Variants in TBC1D16 observed in about 807,000 individuals in gnomAD.
The protein encoded by TBC1D16 is TBC1 domain family member 16, also known as CTD-2529O21.1.
A neutral mutation model predicts 74.7 loss-of-function variants in TBC1D16; 58 were observed. The ratio of observed to expected loss-of-function variants is 0.78; its 90% CI spans 0.63 to 0.97. The LOEUF (loss-of-function observed/expected upper bound fraction) is 0.97, where lower values mean the gene tolerates loss of function less well. Ranked by LOEUF, TBC1D16 falls within the 50% of genes least tolerant of loss-of-function variation. The pLI is 0.00. For synonymous variants in TBC1D16, 493 were observed against 474.7 expected, an observed-to-expected ratio of 1.04 and a Z score of -0.50; for missense variants, 1,014 against 1,079.5, an observed-to-expected ratio of 0.94 and a Z score of 0.85.
rs1007171040 is a variant in TBC1D16 at position 80,000,241 on chromosome 17, A to G, written c.779+9919T>C. On this transcript the variant is annotated intron_variant, in intron 3 of 11. Transcript: ENST00000310924. The surrounding 1 kb of genome is among the most constrained non-coding windows in gnomAD (Gnocchi z 4.1). ...GCTCCCCCAAGATTCATGTCCACAC[A>G]GAAGCTCCCAATGTGACCTTATTCA... is the stretch of plus-strand genomic sequence containing the variant. Among the ~76,000 whole-genome samples, 3 of 152,192 alleles carry G rather than the reference A, an allele frequency of 2.0e-5. No homozygotes were observed. Among genetic ancestry groups the G allele is most frequent in the Non-Finnish European group, 4.4e-5 (3 of 68,028 alleles).
chr17:80,020,616 T>C (rs2036252221), intron 1 of TBC1D16, among the ~76,000 whole-genome samples: 1 of 149,576 alleles, frequency 6.7e-6, no homozygotes, highest in African/African-American at 2.6e-5. Flanking sequence ...ATAAAAATTA[T>C]AAATGCCAAC....
In TBC1D16 at chr17:80,009,257, T is replaced by C. The variant is rs986613674; in HGVS notation, c.779+903A>G. Among the ~76,000 whole-genome samples, 10 of 152,324 alleles carry C rather than the reference T, an allele frequency of 6.6e-5. No individual in the cohort carries two copies. The highest frequency in any genetic ancestry group is 6.5e-4 in the Admixed American group (10 of 15,310). On this transcript the variant is annotated intron_variant, in intron 3 of 11. Transcript: ENST00000310924. The surrounding 1 kb of genome is among the most constrained non-coding windows in gnomAD (Gnocchi z 5.4). Reference sequence around the variant, plus strand: ...TTACTGTTGTCTGTGGTCACCACCATTATTTGCCCAGAAATCTAATGAGCG... The same window carrying C: ...TTACTGTTGTCTGTGGTCACCACCACTATTTGCCCAGAAATCTAATGAGCG...
rs374042647 is a variant in TBC1D16 at position 79,952,707 on chromosome 17, G to A, written c.891C>T (p.Gly297=). The A allele has an allele frequency of 3.9e-5, 63 of 1,610,970 alleles. No individual in the cohort carries two copies. The highest frequency in any genetic ancestry group is 1.6e-4 in the Middle Eastern group (1 of 6,078). The change falls in exon 4 of 12, where the codon GGC becomes GGT. Residue 297 remains glycine, a synonymous_variant. Transcript: ENST00000310924. ...TGTGGCCCAGGTCCACGCGGAACAC[G>A]CCGCAAATCTGCTCCAGGGCGCACA... is the stretch of plus-strand genomic sequence containing the variant. ...QRVCALEQIC[G]VFRVDLGHMR... is the part of the protein sequence containing the mutation.
At chr17:80,024,323 A>G in intron 1 of TBC1D16, among the ~76,000 whole-genome samples, 1 of 148,912 alleles carries the variant, frequency 6.7e-6, no homozygotes, top group African/African-American at 2.6e-5. Context: ...CACACCATAG[A>G]CACACATACC....
In TBC1D16 at chr17:79,932,590, A is replaced by G. The variant is rs1163511923; in HGVS notation, c.*8269T>C. 4 of 152,248 alleles carry G rather than the reference A, an allele frequency of 2.6e-5. No homozygotes were observed. The highest frequency in any genetic ancestry group is 6.5e-5 in the Admixed American group (1 of 15,280). 9.4% of individuals were successfully genotyped at this position (152,248 alleles called of 1,614,324 possible). A position where few individuals can be genotyped will look rare whatever the true frequency, so the allele number is the denominator to read the frequency against. On this transcript the variant is annotated 3_prime_UTR_variant, in exon 12 of 12. Coordinates refer to ENST00000310924, the MANE Select transcript of TBC1D16 (RefSeq NM_019020.4). ...TTTAAAACTGCTAGACCATGTGCCAATTCACATTGACTTGTAGCCACTAGG... is the reference window on the plus strand; with the variant it reads ...TTTAAAACTGCTAGACCATGTGCCAGTTCACATTGACTTGTAGCCACTAGG...
At position 79,979,716 on chromosome 17, in the gene TBC1D16, C is replaced by T. The variant is rs1568607207; in HGVS notation, c.780-26898G>A. Among the ~76,000 whole-genome samples, 1 of 151,938 alleles carries T rather than the reference C, an allele frequency of 6.6e-6. No homozygotes were observed. The highest frequency in any genetic ancestry group is 1.5e-5 in the Non-Finnish European group (1 of 67,998). Reference sequence around the variant, plus strand: ...GTAACCTGTCAGGCCGCAAATCCCACGGTTCTCACTAGGAGCAGGAAAGGA... The same window carrying T: ...GTAACCTGTCAGGCCGCAAATCCCATGGTTCTCACTAGGAGCAGGAAAGGA... On this transcript the variant is annotated intron_variant, in intron 3 of 11. Coordinates refer to ENST00000310924, the MANE Select transcript of TBC1D16 (RefSeq NM_019020.4). The surrounding 1 kb of genome is among the most constrained non-coding windows in gnomAD (Gnocchi z 4.8).
chr17:79,939,876 G>A lies in TBC1D16; in HGVS notation c.*983C>T, dbSNP rs1354389746. ...AGTGGAAGAGTCTAACTATTTCCAG[G>A]TGTCCTTGTCTTGGTTGGTCAGCTA... On this transcript the variant is annotated 3_prime_UTR_variant, in exon 12 of 12. Transcript: ENST00000310924. 2.0e-5 allele frequency: 3 copies of A among 152,124 alleles called. No homozygotes were observed. Among genetic ancestry groups the A allele is most frequent in the East Asian group, 1.9e-4 (1 of 5,192 alleles). 9.4% of individuals were successfully genotyped at this position (152,124 alleles called of 1,614,324 possible). A position where few individuals can be genotyped will look rare whatever the true frequency, so the allele number is the denominator to read the frequency against.
At chr17:80,013,725 C>A in intron 1 of TBC1D16, 116 bp from the exon 2 acceptor site, 1 of 616,070 alleles carries the variant, frequency 1.6e-6, no homozygotes, top group Admixed American at 3.4e-5. Context: ...GCGTGTCCTG[C>A]TGGTGAACAG....
At chr17:79,948,210 G>A (rs1310469078) in intron 8 of TBC1D16, among the ~76,000 whole-genome samples, 4 of 152,004 alleles carry the variant, frequency 2.6e-5, no homozygotes, top group Non-Finnish European at 5.9e-5. Flanking sequence ...CTACTTGGGA[G>A]GCTGAGACTG....
chr17:80,031,495 G>A (rs1416766205), intron 1 of TBC1D16, among the ~76,000 whole-genome samples: 1 of 152,164 alleles, frequency 6.6e-6, no homozygotes, highest in African/African-American at 2.4e-5. Context: ...TAACGGGGCA[G>A]GACCATCACC....
At chr17:79,999,529 A>ATTT (rs2035401825) in intron 3 of TBC1D16, among the ~76,000 whole-genome samples, 1 of 111,572 alleles carries the variant, frequency 9.0e-6, no homozygotes, top group Non-Finnish European at 1.9e-5. Context: ...TTTCCCCCAA[A>ATTT]TTTCTTTTTT....
chr17:79,950,365 CCCGGCCG>C lies in TBC1D16; in HGVS notation c.1257+39_1257+45del. On this transcript the variant is annotated intron_variant, in intron 6 of 11. Coordinates refer to ENST00000310924, the MANE Select transcript of TBC1D16 (RefSeq NM_019020.4). This position sits in a 1 kb window ranked among gnomAD's most constrained non-coding sequence, Gnocchi z 4.6. ...CCTTCCCTCTCGCTCGTTCCCGGTTCCCGGCCGGCTCTCCGCGGGGCCAGCTGGGCGG... is the reference window on the plus strand; with the variant it reads ...CCTTCCCTCTCGCTCGTTCCCGGTTCGCTCTCCGCGGGGCCAGCTGGGCGG... 1 of 1,540,118 alleles carries C rather than the reference CCCGGCCG, an allele frequency of 6.5e-7. No individual in the cohort carries two copies. Among genetic ancestry groups the C allele is most frequent in the Admixed American group, 1.9e-5 (1 of 52,466 alleles).
chr17:80,024,262 C>G (rs777192148), intron 1 of TBC1D16, among the ~76,000 whole-genome samples: 1 of 149,918 alleles, frequency 6.7e-6, no homozygotes, highest in Non-Finnish European at 1.5e-5. Flanking sequence ...TGCTCCCACC[C>G]CGGAGGAGTC....
rs1408486714 is a variant in TBC1D16, at chr17:79,952,812, C to CG, written c.785dup (p.Ser263ValfsTer85). The CG allele has an allele frequency of 5.0e-6, 8 of 1,607,118 alleles. No homozygotes were observed. The highest frequency in any genetic ancestry group is 1.7e-5 in the Admixed American group (1 of 59,738). ...ACCGCAGGCCGGCGTCGGAGCTGGA[C>CG]GGGGGGCTGGTGGAACAGGTTATGT... is the stretch of plus-strand genomic sequence containing the variant. On this transcript the variant is annotated frameshift_variant, in exon 4 of 12. Transcript: ENST00000310924. LOFTEE classifies it high-confidence loss of function.
Position 79,993,239 on chromosome 17 carries a change from G to A in TBC1D16, c.779+16921C>T, listed in dbSNP as rs1165938432. Among the ~76,000 whole-genome samples the A allele has an allele frequency of 6.6e-6, 1 of 152,190 alleles. No homozygotes were observed. Among genetic ancestry groups the A allele is most frequent in the Non-Finnish European group, 1.5e-5 (1 of 68,034 alleles). On this transcript the variant is annotated intron_variant, in intron 3 of 11. Coordinates refer to ENST00000310924, the MANE Select transcript of TBC1D16 (RefSeq NM_019020.4). The surrounding 1 kb of genome is among the most constrained non-coding windows in gnomAD (Gnocchi z 5.1). ...TAAAGATCATCTCTGTCACCACCTGGGGGTAATAAGGTCAGGGATATGCCC... is the reference window on the plus strand; with the variant it reads ...TAAAGATCATCTCTGTCACCACCTGAGGGTAATAAGGTCAGGGATATGCCC...
intron 3 of TBC1D16, among the ~76,000 whole-genome samples, chr17:79,997,595 T>G (rs1330020541): frequency 6.6e-6 from 1 of 152,186 alleles, no homozygotes; most frequent in Non-Finnish European, 1.5e-5. Flanking sequence ...CGATTTTAGG[T>G]TCACAGAAAA....
chr17:80,013,582 G>C lies in TBC1D16; in HGVS notation c.-35C>G. ...AGTGTTTCCATCCTCCGCATGCGTCGGCCCGGGCAGGGCTCGTCAAGACCT... is the reference window on the plus strand; with the variant it reads ...AGTGTTTCCATCCTCCGCATGCGTCCGCCCGGGCAGGGCTCGTCAAGACCT... On this transcript the variant is annotated 5_prime_UTR_variant, in exon 2 of 12. Coordinates refer to ENST00000310924, the MANE Select transcript of TBC1D16 (RefSeq NM_019020.4). The C allele has an allele frequency of 1.4e-6, 2 of 1,459,508 alleles. No individual in the cohort carries two copies. Among genetic ancestry groups the C allele is most frequent in the Non-Finnish European group, 1.8e-6 (2 of 1,102,230 alleles). The allele number at this position is 1,459,508 out of a possible 1,614,324, so 90.4% of individuals were successfully genotyped here. A position where few individuals can be genotyped will look rare whatever the true frequency, so the allele number is the denominator to read the frequency against.
At position 79,981,751 on chromosome 17, in the gene TBC1D16, C is replaced by T. The variant is rs561733668; in HGVS notation, c.779+28409G>A. On this transcript the variant is annotated intron_variant, in intron 3 of 11. Transcript: ENST00000310924. The surrounding 1 kb of genome is among the most constrained non-coding windows in gnomAD (Gnocchi z 6.9). The stretch of plus-strand genomic sequence containing the variant: ...TCCCTCGGCTCTTCTGTAATCTCAG[C>T]AAGAACGTGCTCACTGCACATAACG... Among the ~76,000 whole-genome samples, 5 of 152,346 alleles carry T rather than the reference C, an allele frequency of 3.3e-5. No individual in the cohort carries two copies. Among genetic ancestry groups the T allele is most frequent in the African/African-American group, 1.2e-4 (5 of 41,588 alleles).
At position 79,933,285 on chromosome 17, in the gene TBC1D16, G is replaced by C. The variant is rs924734645; in HGVS notation, c.*7574C>G. The C allele has an allele frequency of 6.6e-6, 1 of 152,100 alleles. No homozygotes were observed. The highest frequency in any genetic ancestry group is 1.5e-5 in the Non-Finnish European group (1 of 68,084). 9.4% of individuals were successfully genotyped at this position (152,100 alleles called of 1,614,324 possible). A position where few individuals can be genotyped will look rare whatever the true frequency, so the allele number is the denominator to read the frequency against. ...CTTGAGACCTTCCTGTTCTATGTTG[G>C]GGGGGATACTGAGGGTCCGTCTCAC... On this transcript the variant is annotated 3_prime_UTR_variant, in exon 12 of 12. Coordinates refer to ENST00000310924, the MANE Select transcript of TBC1D16 (RefSeq NM_019020.4).
Sources: allele counts gnomAD v4.1 joint callset (sites outside exome capture counted in the v4.1 genomes callset), GRCh38; gene constraint gnomAD v4.1.1; non-coding constraint Gnocchi (gnomAD v3.1); transcripts MANE v1.5; gene names NCBI Gene and HGNC (gene_info 2026-07-23, HGNC 2026-07-21).